ZNF208: variants seen among roughly 807,000 people sequenced by gnomAD.
The protein encoded by ZNF208 is zinc finger protein 208.
A neutral mutation model predicts 12.1 loss-of-function variants in ZNF208; 10 were observed. The observed-to-expected ratio is 0.83, with a 90% CI of 0.51 to 1.40. The LOEUF (loss-of-function observed/expected upper bound fraction) is 1.40, where lower values mean the gene tolerates loss of function less well. Ranked by LOEUF, ZNF208 falls within the 40% of genes most tolerant of loss-of-function variation. The pLI is 0.00. For missense variants in ZNF208, 1,652 were observed against 1,485.0 expected (o/e 1.11, Z -1.85); for synonymous variants, 497 against 488.4 (o/e 1.02, Z -0.23).
chr19:21,942,501 A>C (rs1388576850), intron 4 of ZNF208, among the ~76,000 whole-genome samples: 1 of 152,170 alleles, frequency 6.6e-6, no homozygotes, highest in African/African-American at 2.4e-5. Flanking sequence ...AGGTTTATTA[A>C]ATTGTTGAAG....
rs377638519 is a variant in ZNF208 at position 21,975,851 on chromosome 19, A to AAAAAG, written c.227-1045_227-1044insCTTTT. On this transcript the variant is annotated intron_variant, in intron 3 of 3. Transcript: ENST00000397126. ...AAAAAAAAAAAAAAAAAAAAAAAAA[A>AAAAAG]GCTATCAAGTGAGAATAATACCATC... Among the ~76,000 whole-genome samples the AAAAAG allele has an allele frequency of 1.8e-3, 165 of 91,872 alleles. 25 individuals carry two copies. Among genetic ancestry groups the AAAAAG allele is most frequent in the African/African-American group, 7.3e-3 (161 of 21,960 alleles). The allele number at this position is 91,872 out of a possible 152,430, so 60.3% of individuals were successfully genotyped here.
chr19:21,980,237 T>TGC (rs1299453963), intron 3 of ZNF208, among the ~76,000 whole-genome samples: 4 of 152,138 alleles, frequency 2.6e-5, no homozygotes, highest in African/African-American at 9.7e-5. Context: ...CAAATAGACA[T>TGC]CTACAGGACT....
downstream of ZNF208, among the ~76,000 whole-genome samples, chr19:21,962,006 AG>A (rs1295654525): frequency 6.6e-6 from 1 of 152,192 alleles, no homozygotes; most frequent in Admixed American, 6.6e-5. Context: ...AAAGTAAGAC[AG>A]GTGAAAGAAA....
Position 21,973,502 on chromosome 19 carries a change from T to A in ZNF208, c.1532A>T (p.Asn511Ile), listed in dbSNP as rs945691489. Residue 511 changes from asparagine (N) to isoleucine (I), a missense_variant, in exon 4 of 4, where the codon AAC becomes ATC. Around this residue, in one of 3 missense-constraint regions of ZNF208, gnomAD observed 1,239 missense variants for 1,086.2 expected, o/e 1.14. Coordinates refer to ENST00000397126, the MANE Select transcript of ZNF208 (RefSeq NM_007153.3). Reference protein sequence around the residue: ...ECGKAFNWSSNLMEHKRIHTG... With the variant: ...ECGKAFNWSSILMEHKRIHTG... ...ATGAATTCTCTTATGTTCCATAAGG[T>A]TTGAGGACCAGTTGAAAGCTTTGCC... is the stretch of plus-strand genomic sequence containing the variant. 2.5e-6 allele frequency: 4 copies of A among 1,609,816 alleles called. No individual in the cohort carries two copies. The highest frequency in any genetic ancestry group is 3.4e-6 in the Non-Finnish European group (4 of 1,178,802).
chr19:21,956,995 C>T lies in ZNF208; in HGVS notation c.305+17734G>A, dbSNP rs186687668. On this transcript the variant is annotated intron_variant, in intron 4 of 4. Coordinates refer to the ZNF208 transcript ENST00000599916. ...ATCAACTAGTTATAAATATTCTTAA[C>T]TTGTAGCAATATAGCTGTTTGCATC... Among the ~76,000 whole-genome samples the T allele has an allele frequency of 1.1e-4, 17 of 152,232 alleles. No homozygotes were observed. The East Asian group carries it at 3.1e-3, about 28-fold the overall frequency.
chr19:21,981,211 AG>A (rs1970531367), intron 3 of ZNF208, among the ~76,000 whole-genome samples: 1 of 152,208 alleles, frequency 6.6e-6, no homozygotes. Context: ...TCATTTTATG[AG>A]GCCAGCATCA....
Position 21,973,578 on chromosome 19 carries a change from A to C in ZNF208, c.1456T>G (p.Cys486Gly), listed in dbSNP as rs1970355560. The change falls in exon 4 of 4, where the codon TGT becomes GGT. Residue 486 changes from cysteine (C) to glycine (G), a missense_variant. Physicochemically the swap from Cys to Gly is radical, Grantham distance 159. Coordinates refer to ENST00000397126, the MANE Select transcript of ZNF208 (RefSeq NM_007153.3). ...TCTCCAGCATGAGTTGCCTTATCACATTCTTCACATTTGTAGGGTTTCTCT... is the reference window on the plus strand; with the variant it reads ...TCTCCAGCATGAGTTGCCTTATCACCTTCTTCACATTTGTAGGGTTTCTCT... ...NGEKPYKCEE[C>G]DKATHAGEKP... 6.2e-7 allele frequency: 1 copy of C among 1,610,280 alleles called. No individual in the cohort carries two copies. The highest frequency in any genetic ancestry group is 8.5e-7 in the Non-Finnish European group (1 of 1,179,328).
chr19:22,000,085 G>A (rs2145580645), intron 1 of ZNF208, among the ~76,000 whole-genome samples: 1 of 152,328 alleles, frequency 6.6e-6, no homozygotes, highest in Non-Finnish European at 1.5e-5. Flanking sequence ...GACCTATGAA[G>A]AGACTCAGAA....
At chr19:21,977,690 T>C (rs1163216964) in intron 3 of ZNF208, among the ~76,000 whole-genome samples, 3 of 152,138 alleles carry the variant, frequency 2.0e-5, no homozygotes, top group Non-Finnish European at 4.4e-5. Context: ...GAGGCTTTTT[T>C]TCCCCCATAC....
At chr19:21,965,151 C>G (rs1322692601), downstream of ZNF208, among the ~76,000 whole-genome samples, 1 of 151,898 alleles carries the variant, frequency 6.6e-6, no homozygotes, top group African/African-American at 2.4e-5. Context: ...ATACTATCAT[C>G]TGGTAGAAAT....
chr19:21,969,970 C>A lies in ZNF208; in HGVS notation c.*1221G>T, dbSNP rs1019153133. On this transcript the variant is annotated 3_prime_UTR_variant, in exon 4 of 4. Transcript: ENST00000397126. ...AGGCTAGTGTAAATGCTTTCCTTTG[C>A]AATAAGGCATGAGCACTGGTTAAAT... Among the ~76,000 whole-genome samples the A allele has an allele frequency of 6.6e-6, 1 of 152,076 alleles. No homozygotes were observed. Among genetic ancestry groups the A allele is most frequent in the Non-Finnish European group, 1.5e-5 (1 of 68,002 alleles).
At chr19:22,010,715 G>A (rs1306342440) in intron 1 of ZNF208, 77 bp downstream of exon 1, 1 of 1,611,592 alleles carries the variant, frequency 6.2e-7, no homozygotes, top group Non-Finnish European at 8.5e-7. Flanking sequence ...GGAGGCCTGA[G>A]TCCCGCCACA....
chr19:21,954,204 T>A (rs1969934932), intron 4 of ZNF208, among the ~76,000 whole-genome samples: 1 of 152,234 alleles, frequency 6.6e-6, no homozygotes, highest in Non-Finnish European at 1.5e-5. Flanking sequence ...AGAGATAGTT[T>A]GTTGTGATTT....
rs1192288137 is a variant in ZNF208, at chr19:21,967,132, TAC to T, written c.*4057_*4058del. On this transcript the variant is annotated 3_prime_UTR_variant, in exon 4 of 4. Coordinates refer to ENST00000397126, the MANE Select transcript of ZNF208 (RefSeq NM_007153.3). The stretch of plus-strand genomic sequence containing the variant: ...TGTTAGATGTTAGTCATAAATTCTT[TAC>T]AGAGGCCAGTATTATCTAAGTGTTA... 2 of 152,156 alleles carry T rather than the reference TAC, an allele frequency of 1.3e-5. No individual in the cohort carries two copies. Among genetic ancestry groups the T allele is most frequent in the Admixed American group, 1.3e-4 (2 of 15,266 alleles). The allele number at this position is 152,156 out of a possible 1,614,324, so 9.4% of individuals were successfully genotyped here.
At position 22,005,238 on chromosome 19, in the gene ZNF208, T is replaced by C. The variant is rs185359902; in HGVS notation, c.3+5554A>G. On this transcript the variant is annotated intron_variant, in intron 1 of 3. Coordinates refer to ENST00000397126, the MANE Select transcript of ZNF208 (RefSeq NM_007153.3). ...CCAGAGAGGAGTGTGGACACATCAA[T>C]GTCAAGTGGGTGTTTGTGAGTGGGT... Among the ~76,000 whole-genome samples, 7 of 152,274 alleles carry C rather than the reference T, an allele frequency of 4.6e-5. No individual in the cohort carries two copies. The East Asian group carries it at 1.2e-3, about 25-fold the overall frequency.
chr19:21,990,652 A>G (rs1271482415), intron 1 of ZNF208, among the ~76,000 whole-genome samples: 3 of 152,106 alleles, frequency 2.0e-5, no homozygotes, highest in Non-Finnish European at 2.9e-5. Flanking sequence ...AGCTTGATGG[A>G]GATGGCATTG....
At chr19:21,962,845 T>C (rs1404221064), downstream of ZNF208, among the ~76,000 whole-genome samples, 2 of 152,078 alleles carry the variant, frequency 1.3e-5, no homozygotes, top group Non-Finnish European at 2.9e-5. Context: ...TCAGATAAGA[T>C]TTGACCAAAA....
chr19:21,955,913 C>T (rs1225968819), intron 4 of ZNF208, among the ~76,000 whole-genome samples: 4 of 152,190 alleles, frequency 2.6e-5, no homozygotes, highest in Non-Finnish European at 4.4e-5. Flanking sequence ...AAGAGGCACT[C>T]TGATTTTTAG....
At chr19:21,997,117 G>A (rs559961638) in intron 1 of ZNF208, among the ~76,000 whole-genome samples, 32 of 152,188 alleles carry the variant, frequency 2.1e-4, no homozygotes, top group African/African-American at 7.5e-4. Flanking sequence ...CCACATAACA[G>A]AACAGAAAGA....
Sources: gnomAD v4.1 joint callset for allele counts (sites outside exome capture counted in the v4.1 genomes callset) on GRCh38, gnomAD v4.1.1 for gene constraint, gnomAD v4.1.1 regional missense constraint, MANE v1.5 for transcripts, NCBI Gene and HGNC (gene_info 2026-07-23, HGNC 2026-07-21) for gene names.